The following PPP1R26 variants were observed in gnomAD, a reference collection of about 807,000 sequenced individuals.
The protein encoded by PPP1R26 is 1A6/DRIM (down-regulated in metastasis) interacting protein.
PPP1R26 carries 22 observed loss-of-function variants against 67.6 expected under a neutral mutation model. The ratio of observed to expected loss-of-function variants is 0.33; its 90% CI spans 0.23 to 0.46. The LOEUF is 0.46. PPP1R26 is among the 20% of genes least tolerant of loss of function. The pLI, the probability that PPP1R26 is intolerant of heterozygous loss-of-function variation, is 1.00. For synonymous variants in PPP1R26, 729 were observed against 717.2 expected (o/e 1.02, Z -0.26); for missense variants, 1,602 against 1,651.4 (o/e 0.97, Z 0.52).
intron 1 of PPP1R26, among the ~76,000 whole-genome samples, chr9:135,481,201 AC>A (rs1196903122): frequency 1.4e-5 from 2 of 147,178 alleles, no homozygotes. Flanking sequence ...TTGGGCCCAC[AC>A]CTATCTCTAA....
rs1021785648 is a variant in PPP1R26, at chr9:135,488,204, G to T, written c.*64G>T. On this transcript the variant is annotated 3_prime_UTR_variant, in exon 4 of 4. Coordinates refer to ENST00000356818, the MANE Select transcript of PPP1R26 (RefSeq NM_014811.5). ...TTCGTGGAAAGCGGCGTAGCCGTGC[G>T]TGTGTGTGATGGTTCCGTGGCTGCA... The T allele has an allele frequency of 1.4e-6, 2 of 1,469,006 alleles. No homozygotes were observed. The highest frequency in any genetic ancestry group is 2.6e-5 in the Admixed American group (1 of 38,334). 91.0% of individuals were successfully genotyped at this position (1,469,006 alleles called of 1,614,324 possible). A position where few individuals can be genotyped will look rare whatever the true frequency, so the allele number is the denominator to read the frequency against.
upstream of PPP1R26, chr9:135,479,597 G>A (rs1830437239): frequency 6.9e-6 from 1 of 145,730 alleles, no homozygotes; most frequent in African/African-American, 2.5e-5. This position sits in a 1 kb window ranked among gnomAD's most constrained non-coding sequence, Gnocchi z 5.9. Context: ...GCGGCGGCAG[G>A]TGGGCGCGCT....
chr9:135,488,020 G>A lies in PPP1R26; in HGVS notation c.3510G>A (p.Leu1170=). 6.2e-7 allele frequency: 1 copy of A among 1,611,858 alleles called. No individual in the cohort carries two copies. Reference sequence around the variant, plus strand: ...GCTCGGAGGAAAGCATTTTAGACCTGAGGTATCGACGAAGGGTCAACAGGG... The same window carrying A: ...GCTCGGAGGAAAGCATTTTAGACCTAAGGTATCGACGAAGGGTCAACAGGG... The part of the protein sequence containing the change: ...SSGSEESILD[L]RYRRRVNRDD... Residue 1170 remains leucine (L), a synonymous_variant, in exon 4 of 4, where the codon CTG becomes CTA. Transcript: ENST00000356818.
chr9:135,487,599 TCG>T lies in PPP1R26; in HGVS notation c.3091_3092del (p.Ala1031ProfsTer126), dbSNP rs1830795708. ...GACCGCACACCGCCCTGGAGCGACT[TCG>T]CCCACCAGAGTCGGCTGCCCAGCCC... is the stretch of plus-strand genomic sequence containing the variant. On this transcript the variant is annotated frameshift_variant, in exon 4 of 4. Coordinates refer to ENST00000356818, the MANE Select transcript of PPP1R26 (RefSeq NM_014811.5). LOFTEE classifies it high-confidence loss of function. The T allele has an allele frequency of 6.7e-7, 1 of 1,496,286 alleles. No individual in the cohort carries two copies. The highest frequency in any genetic ancestry group is 1.4e-5 in the African/African-American group (1 of 71,380). 92.7% of individuals were successfully genotyped at this position (1,496,286 alleles called of 1,614,324 possible). A position where few individuals can be genotyped will look rare whatever the true frequency, so the allele number is the denominator to read the frequency against.
intron 2 of PPP1R26, among the ~76,000 whole-genome samples, 172 bp downstream of exon 2, chr9:135,482,987 C>CTTTTTTTTTTTTTTTTT (rs57608324): frequency 1.8e-5 from 2 of 112,058 alleles, no homozygotes; most frequent in African/African-American, 3.5e-5. Context: ...TTCTTTCTTT[C>CTTTTTTTTTTTTTTTTT]TTTTTTTTTT....
In PPP1R26 at chr9:135,486,112, C is replaced by T. The variant is rs142756939; in HGVS notation, c.1602C>T (p.Ile534=). The stretch of plus-strand genomic sequence containing the variant: ...GCTCCGTGGACAGCGATGACAGCAT[C>T]GAGCAGGAAATCCGGACATTTTTGG... ...DSSSVDSDDS[I]EQEIRTFLAL... is the part of the protein sequence containing the mutation. The change falls in exon 4 of 4, where the codon ATC becomes ATT. Residue 534 remains isoleucine (I), a synonymous_variant. Coordinates refer to ENST00000356818, the MANE Select transcript of PPP1R26 (RefSeq NM_014811.5). The surrounding 1 kb of genome is among the most constrained non-coding windows in gnomAD (Gnocchi z 6.2). The T allele has an allele frequency of 1.5e-4, 240 of 1,612,954 alleles. No individual in the cohort carries two copies. The African/African-American group carries it at 2.8e-3, about 19-fold the overall frequency.
In PPP1R26 at chr9:135,484,762, T is replaced by G; in HGVS notation, c.252T>G (p.Ala84=). Residue 84 remains alanine, a synonymous_variant, in exon 4 of 4, where the codon GCT becomes GCG. Transcript: ENST00000356818. ...AGGGATGCCACGACGCCAGGCCGGC[T>G]GCCAAGCCCACCGTGCACAAGGAGC... The part of the protein sequence containing the change: ...RAEGCHDARP[A]AKPTVHKEPP... 6.2e-7 allele frequency: 1 copy of G among 1,610,918 alleles called. No homozygotes were observed. Among genetic ancestry groups the G allele is most frequent in the South Asian group, 1.1e-5 (1 of 90,924 alleles).
chr9:135,486,692 C>T lies in PPP1R26; in HGVS notation c.2182C>T (p.Gln728Ter). 6.3e-7 allele frequency: 1 copy of T among 1,599,492 alleles called. No individual in the cohort carries two copies. The highest frequency in any genetic ancestry group is 8.5e-7 in the Non-Finnish European group (1 of 1,173,638). ...CRKKVRFSTA[Q>*]THFLEQLGGL... ...GAAGAAGGTCAGGTTCAGCACAGCC[C>T]AGACGCACTTCTTGGAGCAGCTGGG... Residue 728 changes from glutamine to a stop codon, truncating the protein, a stop_gained, in exon 4 of 4, where the codon CAG (glutamine) becomes TAG (stop). Transcript: ENST00000356818. LOFTEE classifies it high-confidence loss of function. This position sits in a 1 kb window ranked among gnomAD's most constrained non-coding sequence, Gnocchi z 6.2.
At position 135,485,228 on chromosome 9, in the gene PPP1R26, C is replaced by T; in HGVS notation, c.718C>T (p.His240Tyr). ...IEQFLNEKRQHETQKCDGSVE... is the reference protein window; with the variant it reads ...IEQFLNEKRQYETQKCDGSVE... ...ACAGTTTCTGAATGAGAAGAGACAGCATGAGACCCAAAAATGTGATGGGTC... is the reference window on the plus strand; with the variant it reads ...ACAGTTTCTGAATGAGAAGAGACAGTATGAGACCCAAAAATGTGATGGGTC... Residue 240 changes from histidine (H) to tyrosine (Y), a missense_variant, in exon 4 of 4, where the codon CAT becomes TAT. Physicochemically the swap from His to Tyr is moderately conservative, Grantham distance 83 (BLOSUM62 2). This residue lies in a region of PPP1R26 where 680 missense variants were observed against 726.1 expected (regional missense o/e 0.94). Coordinates refer to ENST00000356818, the MANE Select transcript of PPP1R26 (RefSeq NM_014811.5). The surrounding 1 kb of genome is among the most constrained non-coding windows in gnomAD (Gnocchi z 7.2). 1 of 1,612,902 alleles carries T rather than the reference C, an allele frequency of 6.2e-7. No individual in the cohort carries two copies. Among genetic ancestry groups the T allele is most frequent in the Non-Finnish European group, 8.5e-7 (1 of 1,179,918 alleles).
rs990906525 is a variant in PPP1R26 at position 135,484,068 on chromosome 9, T to C, written c.-77T>C. The C allele has an allele frequency of 6.1e-5, 25 of 407,838 alleles. No homozygotes were observed. The highest frequency in any genetic ancestry group is 4.7e-4 in the African/African-American group (23 of 48,720). 25.3% of individuals were successfully genotyped at this position (407,838 alleles called of 1,614,324 possible). On this transcript the variant is annotated 5_prime_UTR_variant, in exon 3 of 4. Coordinates refer to ENST00000356818, the MANE Select transcript of PPP1R26 (RefSeq NM_014811.5). Reference sequence around the variant, plus strand: ...GCAGACGTTGTCTCATGGGTACCGCTTGCCAACTTTGGAGGTAAATAAAAC... The same window carrying C: ...GCAGACGTTGTCTCATGGGTACCGCCTGCCAACTTTGGAGGTAAATAAAAC...
Position 135,486,406 on chromosome 9 carries a change from T to A in PPP1R26, c.1896T>A (p.His632Gln), listed in dbSNP as rs376711954. 1.2e-6 allele frequency: 2 copies of A among 1,612,698 alleles called. No homozygotes were observed. The highest frequency in any genetic ancestry group is 2.7e-5 in the African/African-American group (2 of 74,812). The change falls in exon 4 of 4, where the codon CAT becomes CAA. Residue 632 changes from histidine to glutamine, a missense_variant. This residue lies in a region of PPP1R26 where 680 missense variants were observed against 726.1 expected (regional missense o/e 0.94). Coordinates refer to ENST00000356818, the MANE Select transcript of PPP1R26 (RefSeq NM_014811.5). The surrounding 1 kb of genome is among the most constrained non-coding windows in gnomAD (Gnocchi z 6.2). ...GCCAGGGGAGAGCTGAGCCCGGCCA[T>A]GAGAGGCGAGACCTGCCCATCCAGG... ...DHSQGRAEPG[H>Q]ERRDLPIQGK...
rs753825595 is a variant in PPP1R26 at position 135,486,020 on chromosome 9, G to A, written c.1510G>A (p.Gly504Arg). Residue 504 changes from glycine to arginine, a missense_variant, in exon 4 of 4, where the codon GGG becomes AGG. By Grantham distance (125) the Gly-to-Arg change is moderately radical. Around this residue, in one of 5 missense-constraint regions of PPP1R26, gnomAD observed 680 missense variants for 726.1 expected, o/e 0.94. Coordinates refer to ENST00000356818, the MANE Select transcript of PPP1R26 (RefSeq NM_014811.5). This position sits in a 1 kb window ranked among gnomAD's most constrained non-coding sequence, Gnocchi z 6.2. ...GCCGGCCCCTGTAGAGGGCAGTGAC[G>A]GGTCCCTGTCCGCAAGCCCACTCTT... ...ILPAPVEGSD[G>R]SLSASPLFYS... is the part of the protein sequence containing the mutation. The A allele has an allele frequency of 3.5e-5, 56 of 1,613,050 alleles. No individual in the cohort carries two copies. Among genetic ancestry groups the A allele is most frequent in the East Asian group, 1.6e-4 (7 of 44,890 alleles).
rs780075588 is a variant in PPP1R26 at position 135,485,707 on chromosome 9, G to T, written c.1197G>T (p.Ala399=). 6.8e-6 allele frequency: 11 copies of T among 1,610,238 alleles called. No homozygotes were observed. The highest frequency in any genetic ancestry group is 9.3e-6 in the Non-Finnish European group (11 of 1,179,950). The change falls in exon 4 of 4, where the codon GCG becomes GCT. Residue 399 remains alanine (A), a synonymous_variant. Transcript: ENST00000356818. This position sits in a 1 kb window ranked among gnomAD's most constrained non-coding sequence, Gnocchi z 7.2. ...PQRVQLREER[A]PDPPAHSTSS... ...GGGTCCAACTCCGAGAGGAGAGAGCGCCTGACCCTCCCGCACACAGCACAA... is the reference window on the plus strand; with the variant it reads ...GGGTCCAACTCCGAGAGGAGAGAGCTCCTGACCCTCCCGCACACAGCACAA...
rs776739888 is a variant in PPP1R26 at position 135,484,643 on chromosome 9, G to A, written c.133G>A (p.Ala45Thr). ...GGGCGTGGAGAGCGCGTCGGTGAGC[G>A]CCCGGGTGCAGATGCTTATCAGCAC... The part of the protein sequence containing the change: ...DEGVESASVS[A>T]RVQMLISTLQ... The change falls in exon 4 of 4, where the codon GCC becomes ACC. Residue 45 changes from alanine to threonine, a missense_variant. Ala to Thr is a moderately conservative substitution (Grantham distance 58). Coordinates refer to ENST00000356818, the MANE Select transcript of PPP1R26 (RefSeq NM_014811.5). 1.1e-5 allele frequency: 18 copies of A among 1,611,256 alleles called. No homozygotes were observed. Among genetic ancestry groups the A allele is most frequent in the African/African-American group, 5.3e-5 (4 of 74,930 alleles).
At position 135,484,970 on chromosome 9, in the gene PPP1R26, G is replaced by A. The variant is rs745804650; in HGVS notation, c.460G>A (p.Gly154Arg). 10 of 1,578,184 alleles carry A rather than the reference G, an allele frequency of 6.3e-6. No individual in the cohort carries two copies. Among genetic ancestry groups the A allele is most frequent in the African/African-American group, 1.4e-5 (1 of 73,992 alleles). Residue 154 changes from glycine to arginine, a missense_variant, in exon 4 of 4, where the codon GGG (glycine) becomes AGG (arginine). Coordinates refer to ENST00000356818, the MANE Select transcript of PPP1R26 (RefSeq NM_014811.5). ...KSGAAQPGAGGAQPGAAQPSR... is the reference protein window; with the variant it reads ...KSGAAQPGAGRAQPGAAQPSR... Reference sequence around the variant, plus strand: ...TGGAGCCGCACAGCCCGGGGCCGGCGGGGCCCAGCCAGGTGCAGCCCAGCC... The same window carrying A: ...TGGAGCCGCACAGCCCGGGGCCGGCAGGGCCCAGCCAGGTGCAGCCCAGCC...
Position 135,486,686 on chromosome 9 carries a change from A to G in PPP1R26, c.2176A>G (p.Thr726Ala), listed in dbSNP as rs1830744272. 6.2e-7 allele frequency: 1 copy of G among 1,601,614 alleles called. No individual in the cohort carries two copies. Among genetic ancestry groups the G allele is most frequent in the African/African-American group, 1.3e-5 (1 of 74,630 alleles). The change falls in exon 4 of 4, where the codon ACA becomes GCA. Residue 726 changes from threonine (T) to alanine (A), a missense_variant. By Grantham distance (58) the Thr-to-Ala change is moderately conservative. Around this residue, in one of 5 missense-constraint regions of PPP1R26, gnomAD observed 740 missense variants for 696.3 expected, o/e 1.06. Transcript: ENST00000356818. This position sits in a 1 kb window ranked among gnomAD's most constrained non-coding sequence, Gnocchi z 6.2. ...GTGCAGGAAGAAGGTCAGGTTCAGC[A>G]CAGCCCAGACGCACTTCTTGGAGCA... is the stretch of plus-strand genomic sequence containing the variant. ...AACRKKVRFS[T>A]AQTHFLEQLG... is the part of the protein sequence containing the mutation.
chr9:135,481,326 C>T (rs533849796), intron 1 of PPP1R26, among the ~76,000 whole-genome samples: 35 of 151,038 alleles, frequency 2.3e-4, no homozygotes, highest in Non-Finnish European at 4.0e-4. Flanking sequence ...CTGTAATCTC[C>T]GCCTCCCTGG....
chr9:135,485,663 G>A lies in PPP1R26; in HGVS notation c.1153G>A (p.Asp385Asn), dbSNP rs61737914. Residue 385 changes from aspartate to asparagine, a missense_variant, in exon 4 of 4, where the codon GAC (aspartate) becomes AAC (asparagine). Physicochemically the swap from Asp to Asn is conservative, Grantham distance 23. Around this residue, in one of 5 missense-constraint regions of PPP1R26, gnomAD observed 680 missense variants for 726.1 expected, o/e 0.94. Coordinates refer to ENST00000356818, the MANE Select transcript of PPP1R26 (RefSeq NM_014811.5). The surrounding 1 kb of genome is among the most constrained non-coding windows in gnomAD (Gnocchi z 7.2). ...YQLQKTRKEA[D>N]GDLPQRVQLR... ...GCTGCAGAAAACACGCAAGGAGGCC[G>A]ACGGGGACCTGCCCCAGAGGGTCCA... 225 of 1,612,044 alleles carry A rather than the reference G, an allele frequency of 1.4e-4. No homozygotes were observed. In the African/African-American group the frequency reaches 2.3e-3, roughly 16 times the overall value.
chr9:135,487,061 G>A lies in PPP1R26; in HGVS notation c.2551G>A (p.Glu851Lys), dbSNP rs1588353766. 2 of 1,611,412 alleles carry A rather than the reference G, an allele frequency of 1.2e-6. No individual in the cohort carries two copies. Among genetic ancestry groups the A allele is most frequent in the Non-Finnish European group, 1.7e-6 (2 of 1,179,922 alleles). ...IRKFLAEKAK[E>K]SVSSSEVQAE... Reference sequence around the variant, plus strand: ...GAAGTTTTTGGCGGAAAAGGCCAAGGAGTCAGTGAGCAGTTCAGAAGTTCA... The same window carrying A: ...GAAGTTTTTGGCGGAAAAGGCCAAGAAGTCAGTGAGCAGTTCAGAAGTTCA... Residue 851 changes from glutamate (E) to lysine (K), a missense_variant, in exon 4 of 4, where the codon GAG (glutamate) becomes AAG (lysine). Physicochemically the swap from Glu to Lys is moderately conservative, Grantham distance 56. This residue lies in a region of PPP1R26 where 740 missense variants were observed against 696.3 expected (regional missense o/e 1.06). Coordinates refer to ENST00000356818, the MANE Select transcript of PPP1R26 (RefSeq NM_014811.5).
Sources: allele counts gnomAD v4.1 joint callset (sites outside exome capture counted in the v4.1 genomes callset), GRCh38; gene constraint gnomAD v4.1.1; regional missense constraint gnomAD v4.1.1; non-coding constraint Gnocchi (gnomAD v3.1); transcripts MANE v1.5; gene names NCBI Gene and HGNC (gene_info 2026-07-23, HGNC 2026-07-21).